DPP6: variants seen among roughly 807,000 people sequenced by gnomAD.
DPP6 encodes the protein A-type potassium channel modulatory protein DPP6.
A neutral mutation model predicts 122.6 loss-of-function variants in DPP6; 69 were observed. The observed-to-expected ratio is 0.56, with a 90% CI of 0.46 to 0.69. The LOEUF (loss-of-function observed/expected upper bound fraction) is 0.69. Ranked by LOEUF, DPP6 falls within the 30% of genes least tolerant of loss-of-function variation. DPP6 has a pLI of 0.00. For synonymous variants in DPP6, 418 were observed against 433.1 expected (o/e 0.97, Z 0.43); for missense variants, 928 against 1,116.9 (o/e 0.83, Z 2.41).
chr7:154,374,253 G>C (rs767117962), intron 1 of DPP6, among the ~76,000 whole-genome samples: 8 of 152,236 alleles, frequency 5.3e-5, no homozygotes, highest in Non-Finnish European at 1.0e-4. Context: ...GACAGGAATA[G>C]TAAATACCTC....
intron 1 of DPP6, among the ~76,000 whole-genome samples, chr7:154,063,846 A>C (rs1802483296): frequency 6.6e-6 from 1 of 151,300 alleles, no homozygotes; most frequent in Non-Finnish European, 1.5e-5. Context: ...AGTGCATGAT[A>C]GTCTGCATGA....
At chr7:154,804,805 C>T in intron 14 of DPP6, 112 bp from the exon 15 acceptor site, 2 of 1,464,794 alleles carry the variant, frequency 1.4e-6, no homozygotes, top group East Asian at 2.5e-5. Context: ...CTACTCCCTG[C>T]AGGCCATGGG....
chr7:154,260,265 G>C (rs1359035318), intron 1 of DPP6, among the ~76,000 whole-genome samples: 2 of 152,196 alleles, frequency 1.3e-5, no homozygotes, highest in Non-Finnish European at 2.9e-5. Flanking sequence ...TTGAGCAGGA[G>C]TGTGTTGTGA....
intron 3 of DPP6, among the ~76,000 whole-genome samples, chr7:154,477,531 C>CAA (rs34335151): frequency 0.15 from 21,625 of 148,914 alleles, 1,725 homozygotes; most frequent in Middle Eastern, 0.2. Flanking sequence ...CATTCCATGC[C>CAA]AAAAAAAAAA....
intron 1 of DPP6, among the ~76,000 whole-genome samples, chr7:153,980,635 A>T (rs1389301720): frequency 6.6e-6 from 1 of 151,966 alleles, no homozygotes; most frequent in Non-Finnish European, 1.5e-5. Flanking sequence ...TTGATTGTGA[A>T]GTTAGGGTGT....
chr7:153,827,995 C>T, the DPP6 span, among the ~76,000 whole-genome samples: 1 of 152,178 alleles, frequency 6.6e-6, no homozygotes, highest in African/African-American at 2.4e-5. Context: ...TCAGTGGGGA[C>T]TCCACAAGGA....
intron 5 of DPP6, among the ~76,000 whole-genome samples, chr7:154,581,747 AG>A (rs1832082775): frequency 6.6e-6 from 1 of 152,248 alleles, no homozygotes; most frequent in African/African-American, 2.4e-5. Context: ...GGCCTGAGAC[AG>A]CAGAATAATC....
At chr7:154,796,257 T>G in intron 12 of DPP6, 1 of 193,296 alleles carries the variant, frequency 5.2e-6, no homozygotes. Flanking sequence ...TGGATATCCC[T>G]GTTTGTTGCC....
chr7:154,736,031 A>G (rs1462400091), intron 8 of DPP6, among the ~76,000 whole-genome samples: 1 of 152,250 alleles, frequency 6.6e-6, no homozygotes, highest in Non-Finnish European at 1.5e-5. Context: ...AAATCCAGGT[A>G]GGTCACCAGG....
chr7:154,807,480 A>G (rs1421410163), intron 16 of DPP6, among the ~76,000 whole-genome samples: 1 of 152,218 alleles, frequency 6.6e-6, no homozygotes, highest in Admixed American at 6.5e-5. Flanking sequence ...CCATCAATAA[A>G]GATAGGAAAA....
At chr7:154,503,131 A>G (rs1332113033) in intron 3 of DPP6, among the ~76,000 whole-genome samples, 4 of 152,216 alleles carry the variant, frequency 2.6e-5, no homozygotes, top group Non-Finnish European at 5.9e-5. Context: ...CAGAGAGTTG[A>G]AGCTACACCT....
At chr7:153,857,396 A>G in the DPP6 span, among the ~76,000 whole-genome samples, 11 of 141,014 alleles carry the variant, frequency 7.8e-5, no homozygotes, top group South Asian at 2.4e-3. Flanking sequence ...GCTAGTTGCT[A>G]TGGTCAACAT....
intron 1 of DPP6, among the ~76,000 whole-genome samples, chr7:154,220,816 G>A (rs972863116): frequency 2.0e-5 from 3 of 152,210 alleles, no homozygotes; most frequent in Non-Finnish European, 4.4e-5. Flanking sequence ...AGAAATACCT[G>A]TGTCCTCTTC....
At chr7:153,928,264 T>C (rs1432546923) in intron 1 of DPP6, among the ~76,000 whole-genome samples, 1 of 150,548 alleles carries the variant, frequency 6.6e-6, no homozygotes, top group Non-Finnish European at 1.5e-5. Context: ...CAGGCTGGAG[T>C]TCAGTGGCAC....
At chr7:154,355,374 T>A (rs756379801) in intron 1 of DPP6, among the ~76,000 whole-genome samples, 8 of 152,218 alleles carry the variant, frequency 5.3e-5, no homozygotes, top group Non-Finnish European at 1.2e-4. Flanking sequence ...ATGAACAGAA[T>A]TTTACAATTT....
intron 1 of DPP6, among the ~76,000 whole-genome samples, chr7:153,990,170 C>G (rs1446995668): frequency 9.2e-5 from 5 of 54,126 alleles, no homozygotes; most frequent in African/African-American, 2.4e-4. Context: ...TGCCCCTTGC[C>G]AGCTGGAGGT....
chr7:153,925,698 C>T (rs1409469847), intron 1 of DPP6, among the ~76,000 whole-genome samples: 2 of 152,142 alleles, frequency 1.3e-5, no homozygotes, highest in African/African-American at 4.8e-5. Context: ...GGGAGATCAT[C>T]CCACATGGTA....
intron 4 of DPP6, among the ~76,000 whole-genome samples, chr7:154,560,192 G>T (rs756012671): frequency 6.6e-6 from 1 of 151,960 alleles, no homozygotes; most frequent in Non-Finnish European, 1.5e-5. Flanking sequence ...GGAAATTTTT[G>T]TAGAATTAGT....
At chr7:154,469,574 G>A (rs1438865366) in intron 2 of DPP6, among the ~76,000 whole-genome samples, 1 of 152,066 alleles carries the variant, frequency 6.6e-6, no homozygotes, top group Non-Finnish European at 1.5e-5. Flanking sequence ...AATCCCCAAG[G>A]TTCATATGGT....
Sources: gnomAD v4.1 joint callset for allele counts (sites outside exome capture counted in the v4.1 genomes callset) on GRCh38, gnomAD v4.1.1 for gene constraint, MANE v1.5 for transcripts, NCBI Gene and HGNC (gene_info 2026-07-23, HGNC 2026-07-21) for gene names.